DNAH9: variants seen among roughly 807,000 people sequenced by gnomAD.
The protein encoded by DNAH9 is dynein axonemal heavy chain 9.
Under a neutral mutation model 471.6 loss-of-function variants are expected in DNAH9, and 345 were observed. That is an observed-to-expected ratio of 0.73 (90% confidence interval 0.67 to 0.80). The LOEUF (loss-of-function observed/expected upper bound fraction) is 0.80, where lower values mean the gene tolerates loss of function less well. Among genes scored for constraint, DNAH9 ranks in the 30% least tolerant of loss-of-function variants. The pLI is 0.00. For synonymous variants in DNAH9, 2,093 were observed against 2,123.6 expected (o/e 0.99, Z 0.40); for missense variants, 5,407 against 5,609.2 (o/e 0.96, Z 1.15).
chr17:11,772,611 C>G (rs1887703551), intron 38 of DNAH9, among the ~76,000 whole-genome samples: 1 of 152,168 alleles, frequency 6.6e-6, no homozygotes, highest in Non-Finnish European at 1.5e-5. Context: ...AAAAAAATCT[C>G]AAAATGCTAT....
chr17:11,607,673 G>A (rs1038671554), intron 1 of DNAH9, among the ~76,000 whole-genome samples: 1 of 152,128 alleles, frequency 6.6e-6, no homozygotes, highest in East Asian at 1.9e-4. Context: ...GGGTTGAAGC[G>A]ATTCTCCTGC....
chr17:11,749,253 T>G (rs1010695471), intron 32 of DNAH9, among the ~76,000 whole-genome samples: 3 of 151,490 alleles, frequency 2.0e-5, no homozygotes, highest in African/African-American at 7.3e-5. Context: ...CCCAGCTAAT[T>G]TTTTGTATTT....
Position 11,932,341 on chromosome 17 carries a change from T to C in DNAH9, c.12297+136T>C. 2 of 901,320 alleles carry C rather than the reference T, an allele frequency of 2.2e-6. No individual in the cohort carries two copies. The highest frequency in any genetic ancestry group is 3.7e-5 in the South Asian group (2 of 54,364). 55.8% of individuals were successfully genotyped at this position (901,320 alleles called of 1,614,324 possible). ...CTAACAAGCTCCCTCGTGATGCAGA[T>C]GCTGCTGATTCGGGGACCATAATTT... is the stretch of plus-strand genomic sequence containing the variant. On this transcript the variant is annotated intron_variant, in intron 64 of 68. Coordinates refer to ENST00000262442, the MANE Select transcript of DNAH9 (RefSeq NM_001372.4). The surrounding 1 kb of genome is among the most constrained non-coding windows in gnomAD (Gnocchi z 4.3).
At position 11,623,050 on chromosome 17, in the gene DNAH9, G is replaced by A. The variant is rs577487137; in HGVS notation, c.1350+3269G>A. On this transcript the variant is annotated intron_variant, in intron 6 of 68. Transcript: ENST00000262442. This position sits in a 1 kb window ranked among gnomAD's most constrained non-coding sequence, Gnocchi z 4.1. ...GTGCAGTGGCACAATCTCGGCTCAC[G>A]ACAACCTCTGCCTCCTGGGTTCAAG... is the stretch of plus-strand genomic sequence containing the variant. Among the ~76,000 whole-genome samples the A allele has an allele frequency of 7.0e-6, 1 of 142,006 alleles. No homozygotes were observed. Among genetic ancestry groups the A allele is most frequent in the African/African-American group, 2.6e-5 (1 of 38,030 alleles). 93.2% of individuals were successfully genotyped at this position (142,006 alleles called of 152,430 possible).
intron 6 of DNAH9, among the ~76,000 whole-genome samples, chr17:11,624,424 G>A (rs1002489776): frequency 2.4e-4 from 36 of 152,214 alleles, no homozygotes; most frequent in Admixed American, 1.3e-4. Flanking sequence ...CAGGAGAATC[G>A]CTGGAACCTG....
intron 26 of DNAH9, among the ~76,000 whole-genome samples, chr17:11,709,104 T>A (rs1304791274): frequency 6.6e-6 from 1 of 152,192 alleles, no homozygotes; most frequent in Admixed American, 6.5e-5. Flanking sequence ...GATAATTACC[T>A]CTTTTGGATT....
At chr17:11,669,836 T>C (rs2150728799) in intron 17 of DNAH9, 42 bp downstream of exon 17, 1 of 1,509,202 alleles carries the variant, frequency 6.6e-7, no homozygotes, top group Non-Finnish European at 9.1e-7. Flanking sequence ...TGCTAGGCTG[T>C]GAGGAACACC....
chr17:11,924,858 A>G (rs117485620), intron 62 of DNAH9, among the ~76,000 whole-genome samples: 8,106 of 152,094 alleles, frequency 0.053, 285 homozygotes, highest in Non-Finnish European at 0.082. Flanking sequence ...TTCAGAACTC[A>G]AGTGATCTAC....
intron 22 of DNAH9, among the ~76,000 whole-genome samples, chr17:11,699,512 A>G (rs988685781): frequency 6.6e-6 from 1 of 152,020 alleles, no homozygotes; most frequent in African/African-American, 2.4e-5. Context: ...CTAGTGCACA[A>G]CTCTCACTAG....
intron 6 of DNAH9, among the ~76,000 whole-genome samples, chr17:11,628,258 C>T (rs887324532): frequency 1.3e-5 from 2 of 152,222 alleles, no homozygotes; most frequent in South Asian, 2.1e-4. Flanking sequence ...CAGGAGGAAG[C>T]TCCAATCCTA....
chr17:11,767,054 A>G (rs1967975031), intron 36 of DNAH9, among the ~76,000 whole-genome samples: 1 of 152,120 alleles, frequency 6.6e-6, no homozygotes, highest in South Asian at 2.1e-4. Context: ...TACAGTGTCC[A>G]ATTATAGTAC....
intron 27 of DNAH9, among the ~76,000 whole-genome samples, chr17:11,721,659 G>T (rs1445011137): frequency 6.6e-6 from 1 of 152,122 alleles, no homozygotes; most frequent in Non-Finnish European, 1.5e-5. Flanking sequence ...ATAGATGGTA[G>T]ATGGATTTTA....
At chr17:11,635,391 G>A (rs2073143937) in intron 8 of DNAH9, among the ~76,000 whole-genome samples, 2 of 145,338 alleles carry the variant, frequency 1.4e-5, no homozygotes, top group Non-Finnish European at 3.0e-5. Context: ...ATGTTGGCCA[G>A]GCTGGTCTTG....
At chr17:11,868,619 T>A (rs2150983805) in intron 50 of DNAH9, among the ~76,000 whole-genome samples, 1 of 152,202 alleles carries the variant, frequency 6.6e-6, no homozygotes, top group South Asian at 2.1e-4. Context: ...CCAGACTAGC[T>A]GCAGCAGATA....
chr17:11,788,720 A>AT (rs139786081), intron 41 of DNAH9, among the ~76,000 whole-genome samples: 1,748 of 152,060 alleles, frequency 0.011, 33 homozygotes, highest in African/African-American at 0.039. Flanking sequence ...CAATCCTTAA[A>AT]TTTTTTTAGT....
At position 11,669,041 on chromosome 17, in the gene DNAH9, T is replaced by C. The variant is rs1466198118; in HGVS notation, c.2732-23T>C. On this transcript the variant is annotated intron_variant, in intron 15 of 68. Transcript: ENST00000262442. The stretch of plus-strand genomic sequence containing the variant: ...CATTTTATCCACTCTTTGTTTTGTT[T>C]GCTTGTTTTCTGTGTTTTTCAGAGT... 4 of 1,554,652 alleles carry C rather than the reference T, an allele frequency of 2.6e-6. No homozygotes were observed. In the African/African-American group the frequency reaches 5.5e-5, roughly 21 times the overall value.
Position 11,969,605 on chromosome 17 carries a change from C to A in DNAH9, c.*78C>A. 8.6e-7 allele frequency: 1 copy of A among 1,157,870 alleles called. No homozygotes were observed. The highest frequency in any genetic ancestry group is 1.2e-6 in the Non-Finnish European group (1 of 834,136). 71.7% of individuals were successfully genotyped at this position (1,157,870 alleles called of 1,614,324 possible). A position where few individuals can be genotyped will look rare whatever the true frequency, so the allele number is the denominator to read the frequency against. On this transcript the variant is annotated 3_prime_UTR_variant, in exon 69 of 69. Coordinates refer to ENST00000262442, the MANE Select transcript of DNAH9 (RefSeq NM_001372.4). The stretch of plus-strand genomic sequence containing the variant: ...GAGGGACAGGTGGGTGAAGGGTCAC[C>A]ACAGACACTTAGAACGGTAAGAAAC...
At chr17:11,953,015 G>C (rs1044627000) in intron 67 of DNAH9, among the ~76,000 whole-genome samples, 3 of 152,164 alleles carry the variant, frequency 2.0e-5, no homozygotes, top group Non-Finnish European at 2.9e-5. Flanking sequence ...AAGTGGGAGA[G>C]AGACTGAGAG....
Position 11,886,915 on chromosome 17 carries a change from A to G in DNAH9, c.11062A>G (p.Ile3688Val). ...TGCCAGGGCCTCACTGCTCTACTTC[A>G]TCATGAACGACCTCAGCAAGATCCA... ...AAARASLLYF[I>V]MNDLSKIHPM... Residue 3688 changes from isoleucine (I) to valine (V), a missense_variant, in exon 57 of 69, where the codon ATC (isoleucine) becomes GTC (valine). This residue lies in a region of DNAH9 where 4,636 missense variants were observed against 4,900.3 expected (regional missense o/e 0.95). Coordinates refer to ENST00000262442, the MANE Select transcript of DNAH9 (RefSeq NM_001372.4). 1 of 1,613,166 alleles carries G rather than the reference A, an allele frequency of 6.2e-7. No individual in the cohort carries two copies. The highest frequency in any genetic ancestry group is 8.5e-7 in the Non-Finnish European group (1 of 1,179,628).
Sources: gnomAD v4.1 joint callset for allele counts (sites outside exome capture counted in the v4.1 genomes callset) on GRCh38, gnomAD v4.1.1 for gene constraint, gnomAD v4.1.1 regional missense constraint, Gnocchi (gnomAD v3.1) non-coding constraint, MANE v1.5 for transcripts, NCBI Gene and HGNC (gene_info 2026-07-23, HGNC 2026-07-21) for gene names.